The following C8orf34 variants were observed in gnomAD, a reference collection of about 807,000 sequenced individuals.
C8orf34 encodes the protein uncharacterized protein C8orf34.
C8orf34 carries 65 observed loss-of-function variants against 68.3 expected under a neutral mutation model. That is an observed-to-expected ratio of 0.95 (90% CI 0.78 to 1.17). C8orf34 has a LOEUF of 1.17. C8orf34 is among the 50% of genes most tolerant of loss of function. The pLI is 0.00. For synonymous variants in C8orf34, 244 were observed against 241.2 expected, an observed-to-expected ratio of 1.01 and a Z score of -0.11; for missense variants, 664 against 655.4, an observed-to-expected ratio of 1.01 and a Z score of -0.14.
intron 1 of C8orf34, among the ~76,000 whole-genome samples, chr8:68,412,826 C>T (rs753433123): frequency 9.9e-5 from 15 of 152,152 alleles, no homozygotes; most frequent in African/African-American, 3.6e-4. Context: ...CCAACCCCAA[C>T]GACTTTTCGA....
chr8:68,561,614 T>C (rs1816430350), intron 7 of C8orf34, among the ~76,000 whole-genome samples: 2 of 152,030 alleles, frequency 1.3e-5, no homozygotes, highest in South Asian at 2.1e-4. Flanking sequence ...AAAAATTAGC[T>C]GGACGTGGTG....
chr8:68,440,230 G>T (rs1395991414), intron 2 of C8orf34, among the ~76,000 whole-genome samples: 3 of 152,098 alleles, frequency 2.0e-5, no homozygotes, highest in Admixed American at 2.0e-4. Flanking sequence ...TTTACACATT[G>T]GTCTGTTAGT....
At chr8:68,401,627 G>A (rs1054796937) in intron 1 of C8orf34, among the ~76,000 whole-genome samples, 1 of 86,108 alleles carries the variant, frequency 1.2e-5, no homozygotes. Flanking sequence ...TTGAAATGAA[G>A]CCTTTTCTTC....
rs374110670 is a variant in C8orf34 at position 68,521,096 on chromosome 8, C to T, written c.766-703C>T. On this transcript the variant is annotated intron_variant, in intron 5 of 13. Transcript: ENST00000518698. ...AATGAATGAATTAGTGAACAAGAAACGGATATACACTGATATGAATTTTTT... is the reference window on the plus strand; with the variant it reads ...AATGAATGAATTAGTGAACAAGAAATGGATATACACTGATATGAATTTTTT... 1.1e-3 allele frequency among the ~76,000 whole-genome samples: 172 copies of T among 152,190 alleles called. 1 individual carries two copies. Among genetic ancestry groups the T allele is most frequent in the African/African-American group, 3.6e-3 (150 of 41,536 alleles).
At chr8:68,661,106 C>T (rs927020924) in intron 8 of C8orf34, among the ~76,000 whole-genome samples, 10 of 152,184 alleles carry the variant, frequency 6.6e-5, no homozygotes, top group East Asian at 1.9e-4. Context: ...CTGGCCACGC[C>T]GGGGCCTTGA....
intron 7 of C8orf34, among the ~76,000 whole-genome samples, chr8:68,572,763 CT>C (rs1373520550): frequency 2.0e-5 from 3 of 152,032 alleles, no homozygotes; most frequent in Non-Finnish European, 4.4e-5. Flanking sequence ...GTGTTTAGTT[CT>C]TGAAAGTGCT....
chr8:68,697,790 C>A (rs112180292), intron 8 of C8orf34, among the ~76,000 whole-genome samples: 3 of 152,108 alleles, frequency 2.0e-5, no homozygotes, highest in African/African-American at 4.8e-5. Flanking sequence ...ATTAGGGGAA[C>A]TTTCGTCCAA....
intron 1 of C8orf34, among the ~76,000 whole-genome samples, chr8:68,395,037 A>C (rs1323296662): frequency 1.3e-5 from 2 of 152,114 alleles, no homozygotes; most frequent in Admixed American, 1.3e-4. Context: ...GAAGGAATTT[A>C]GCAAGAAATT....
rs1204757469 is a variant in C8orf34 at position 68,505,660 on chromosome 8, A to G, written c.766-16139A>G. 1.4e-4 allele frequency among the ~76,000 whole-genome samples: 14 copies of G among 99,614 alleles called. 2 individuals carry two copies. In the East Asian group the frequency reaches 1.9e-3, roughly 13 times the overall value. The allele number at this position is 99,614 out of a possible 152,430, so 65.4% of individuals were successfully genotyped here. ...GCAGGAGAATGGCGTGAACCCGGGA[A>G]GCGGAGCTTGCCGTGAGCCGAGATT... On this transcript the variant is annotated intron_variant, in intron 5 of 13. Transcript: ENST00000518698.
intron 7 of C8orf34, among the ~76,000 whole-genome samples, chr8:68,550,516 G>T (rs954200105): frequency 6.6e-6 from 1 of 151,690 alleles, no homozygotes; most frequent in African/African-American, 2.4e-5. Context: ...TTAAGATTAA[G>T]AAAAACAAAA....
chr8:68,382,667 C>T (rs1808092157), intron 1 of C8orf34, among the ~76,000 whole-genome samples: 2 of 152,154 alleles, frequency 1.3e-5, no homozygotes, highest in South Asian at 4.1e-4. Context: ...CTTCCAGCCT[C>T]TTCAGGCCAT....
At chr8:68,338,732 G>A (rs1280004561) in intron 1 of C8orf34, among the ~76,000 whole-genome samples, 2 of 152,024 alleles carry the variant, frequency 1.3e-5, no homozygotes, top group Non-Finnish European at 2.9e-5. Flanking sequence ...GTAAATACCT[G>A]GAGTGGATTG....
chr8:68,757,939 G>A (rs995041713), intron 10 of C8orf34, among the ~76,000 whole-genome samples: 4 of 152,310 alleles, frequency 2.6e-5, no homozygotes, highest in Admixed American at 2.0e-4. Flanking sequence ...ATTGAGATAT[G>A]TAAAGTGCTT....
intron 8 of C8orf34, among the ~76,000 whole-genome samples, chr8:68,681,011 TCTTCCCTA>T (rs1429675787): frequency 6.6e-6 from 1 of 152,098 alleles, no homozygotes; most frequent in Non-Finnish European, 1.5e-5. Context: ...TTTAGTGATA[TCTTCCCTA>T]CTTGCATGTC....
intron 8 of C8orf34, among the ~76,000 whole-genome samples, chr8:68,673,397 G>A (rs1402211303): frequency 6.6e-6 from 1 of 152,060 alleles, no homozygotes; most frequent in Non-Finnish European, 1.5e-5. Flanking sequence ...GGGGTCAGAG[G>A]AGAGCCCACT....
intron 11 of C8orf34, 43 bp from the exon 12 acceptor site, chr8:68,787,400 A>T (rs1469028367): frequency 2.1e-6 from 3 of 1,411,730 alleles, no homozygotes; most frequent in Non-Finnish European, 3.0e-6. Flanking sequence ...TGTTCATGAT[A>T]TCAAAACAGA....
intron 1 of C8orf34, among the ~76,000 whole-genome samples, chr8:68,418,937 T>C (rs1465121399): frequency 1.3e-5 from 2 of 149,438 alleles, no homozygotes; most frequent in Non-Finnish European, 1.5e-5. Context: ...ACTTCATGTC[T>C]AAAACACCAA....
intron 5 of C8orf34, among the ~76,000 whole-genome samples, chr8:68,511,273 A>G (rs149509717): frequency 0.012 from 1,773 of 152,300 alleles, 36 homozygotes; most frequent in African/African-American, 0.04. Flanking sequence ...GTGAGAGCAC[A>G]CCTGAACAAG....
At chr8:68,597,321 G>C (rs527861123) in intron 7 of C8orf34, among the ~76,000 whole-genome samples, 8 of 152,012 alleles carry the variant, frequency 5.3e-5, no homozygotes, top group Non-Finnish European at 1.0e-4. Context: ...TGTTCAGACT[G>C]TTCTTATGGC....
Sources: gnomAD v4.1 joint callset for allele counts (sites outside exome capture counted in the v4.1 genomes callset) on GRCh38, gnomAD v4.1.1 for gene constraint, MANE v1.5 for transcripts, NCBI Gene and HGNC (gene_info 2026-07-23, HGNC 2026-07-21) for gene names.